CFAP74: variants seen among roughly 807,000 people sequenced by gnomAD.
The protein encoded by CFAP74 is cilia and flagella associated protein 74, also known as cilia- and flagella-associated protein 74.
CFAP74 carries 124 observed loss-of-function variants against 188.9 expected under a neutral mutation model. The observed-to-expected ratio is 0.66, with a 90% confidence interval of 0.57 to 0.76. The LOEUF is 0.76. Ranked by LOEUF, CFAP74 falls within the 30% of genes least tolerant of loss-of-function variation. The probability of loss-of-function intolerance (pLI) is 0.00; values close to 1 mark genes in which losing one functional copy is unlikely to be tolerated. For synonymous variants in CFAP74, 956 were observed against 916.7 expected, an observed-to-expected ratio of 1.04 and a Z score of -0.77; for missense variants, 2,198 against 2,165.2, an observed-to-expected ratio of 1.02 and a Z score of -0.30.
chr1:1,938,317 ACT>A (rs1438966810), intron 25 of CFAP74, among the ~76,000 whole-genome samples: 1 of 132,566 alleles, frequency 7.5e-6, no homozygotes, highest in East Asian at 2.3e-4. Context: ...ACATACATGC[ACT>A]CACACACAAG....
At chr1:1,981,010 G>A (rs1656806674) in intron 6 of CFAP74, among the ~76,000 whole-genome samples, 1 of 152,216 alleles carries the variant, frequency 6.6e-6, no homozygotes, top group Admixed American at 6.5e-5. Flanking sequence ...CGAAGCAGCG[G>A]CCAGCCTCGT....
chr1:1,980,520 G>T (rs1449161913), intron 6 of CFAP74, among the ~76,000 whole-genome samples: 1 of 152,272 alleles, frequency 6.6e-6, no homozygotes, highest in Non-Finnish European at 1.5e-5. Context: ...CGGGCACAGG[G>T]ATGGGACCTG....
chr1:1,983,099 G>A (rs1369513779), intron 6 of CFAP74, among the ~76,000 whole-genome samples: 1 of 152,076 alleles, frequency 6.6e-6, no homozygotes, highest in Admixed American at 6.5e-5. Context: ...CATACCCGCA[G>A]GGACACAGCA....
chr1:1,990,401 G>A (rs1657499488), intron 2 of CFAP74, among the ~76,000 whole-genome samples: 1 of 146,888 alleles, frequency 6.8e-6, no homozygotes, highest in Admixed American at 6.8e-5. Flanking sequence ...GGGGCAGGGG[G>A]GAGAAGGCCA....
chr1:1,993,862 G>C (rs1206048131), intron 1 of CFAP74, among the ~76,000 whole-genome samples: 3 of 151,006 alleles, frequency 2.0e-5, no homozygotes, highest in Non-Finnish European at 4.4e-5. Context: ...GGCGCCTATA[G>C]TCCCAGCTAC....
Position 1,975,994 on chromosome 1 carries a change from G to A in CFAP74, c.501-1796C>T, listed in dbSNP as rs561315426. On this transcript the variant is annotated intron_variant, in intron 6 of 38. Transcript: ENST00000682832. The surrounding 1 kb of genome is among the most constrained non-coding windows in gnomAD (Gnocchi z 4.5). Reference sequence around the variant, plus strand: ...ATTTCATTCCTCAGTTCTGGAGGCCGGGAAGTCCAAGGTCAAGGTGCCAGC... The same window carrying A: ...ATTTCATTCCTCAGTTCTGGAGGCCAGGAAGTCCAAGGTCAAGGTGCCAGC... Among the ~76,000 whole-genome samples, 7 of 152,308 alleles carry A rather than the reference G, an allele frequency of 4.6e-5. No individual in the cohort carries two copies. The highest frequency in any genetic ancestry group is 9.6e-5 in the African/African-American group (4 of 41,564).
intron 28 of CFAP74, 106 bp downstream of exon 28, chr1:1,927,501 G>T: frequency 1.8e-6 from 2 of 1,098,160 alleles, no homozygotes; most frequent in African/African-American, 1.6e-5. Flanking sequence ...CCAGCCACAT[G>T]GGTCATTCCG....
At chr1:1,938,777 G>T in intron 25 of CFAP74, 78 bp downstream of exon 25, 1 of 1,466,624 alleles carries the variant, frequency 6.8e-7, no homozygotes, top group Non-Finnish European at 9.1e-7. Context: ...GGGCGGGGAT[G>T]TGGTGGAGCT....
chr1:1,943,665 C>T (rs1476555502), intron 21 of CFAP74, among the ~76,000 whole-genome samples: 1 of 152,362 alleles, frequency 6.6e-6, no homozygotes, highest in Non-Finnish European at 1.5e-5. Context: ...GCTCACCCTG[C>T]CTGTGTCCAC....
chr1:1,971,828 G>A, intron 9 of CFAP74, 152 bp downstream of exon 9: 1 of 625,546 alleles, frequency 1.6e-6, no homozygotes, highest in South Asian at 1.9e-5. Flanking sequence ...CAAATCTGTG[G>A]CACAGGCTCG....
intron 12 of CFAP74, among the ~76,000 whole-genome samples, chr1:1,966,098 G>A (rs368240267): frequency 2.6e-5 from 4 of 152,220 alleles, no homozygotes; most frequent in East Asian, 3.8e-4. Flanking sequence ...GTCCCTCCCC[G>A]TTACACCATG....
chr1:1,966,637 G>T, intron 11 of CFAP74, 111 bp from the exon 12 acceptor site: 1 of 1,006,720 alleles, frequency 9.9e-7, no homozygotes, highest in Non-Finnish European at 1.3e-6. Flanking sequence ...CCGTTCTTCT[G>T]CCTCACGTAC....
At chr1:1,939,912 C>T (rs1653245864) in intron 23 of CFAP74, 145 bp from the exon 24 acceptor site, 2 of 826,576 alleles carry the variant, frequency 2.4e-6, no homozygotes. Context: ...CTTCATAAAA[C>T]CCACTTCCCT....
chr1:1,976,850 C>CT (rs1288462412), intron 6 of CFAP74, among the ~76,000 whole-genome samples: 1 of 133,424 alleles, frequency 7.5e-6, no homozygotes, highest in African/African-American at 2.7e-5. Context: ...GCCCAAACCT[C>CT]TTTTCTTTTT....
intron 37 of CFAP74, 36 bp downstream of exon 37, chr1:1,922,949 G>T (rs531145751): frequency 1.3e-6 from 2 of 1,538,164 alleles, no homozygotes. Flanking sequence ...GGCCGAGGGG[G>T]CTGCCTGGTG....
chr1:1,983,967 G>A (rs1657074446), intron 6 of CFAP74: 1 of 150,618 alleles, frequency 6.6e-6, no homozygotes, highest in Middle Eastern at 3.6e-3. Flanking sequence ...GGGATGACAG[G>A]CGTGAGCCAC....
At chr1:1,982,210 T>C (rs370695918) in intron 6 of CFAP74, among the ~76,000 whole-genome samples, 32 of 84,750 alleles carry the variant, frequency 3.8e-4, no homozygotes, top group Non-Finnish European at 2.0e-4. Context: ...CACCCAGCCG[T>C]GGTCACACGC....
chr1:1,924,788 C>T (rs752966), intron 33 of CFAP74, among the ~76,000 whole-genome samples: 59,308 of 152,126 alleles, frequency 0.39, 13,886 homozygotes, highest in Admixed American at 0.52. Flanking sequence ...TCCTCCAGGG[C>T]GCCTGAGTCT....
intron 1 of CFAP74, among the ~76,000 whole-genome samples, chr1:1,999,259 G>A (rs542710020): frequency 3.3e-5 from 5 of 152,256 alleles, no homozygotes; most frequent in East Asian, 1.9e-4. Flanking sequence ...AGGCCCCCAC[G>A]TACTAGCGCT....
Sources: gnomAD v4.1 joint callset for allele counts (sites outside exome capture counted in the v4.1 genomes callset) on GRCh38, gnomAD v4.1.1 for gene constraint, Gnocchi (gnomAD v3.1) non-coding constraint, MANE v1.5 for transcripts, NCBI Gene and HGNC (gene_info 2026-07-23, HGNC 2026-07-21) for gene names.